The following AGMO variants were observed in gnomAD, a reference collection of about 807,000 sequenced individuals.
AGMO encodes the protein glyceryl-ether monooxygenase.
In AGMO, 75 loss-of-function variants were observed where a neutral mutation model predicts 60.2. The observed-to-expected ratio is 1.25, with a 90% CI of 1.03 to 1.51. The LOEUF is 1.51. AGMO is among the 40% of genes most tolerant of loss of function. AGMO has a pLI of 0.00. For synonymous variants in AGMO, 261 were observed against 177.1 expected, an observed-to-expected ratio of 1.47 and a Z score of -3.76; for missense variants, 763 against 525.5, an observed-to-expected ratio of 1.45 and a Z score of -4.42.
chr7:15,201,611 T>A (rs1006355189), intron 12 of AGMO, among the ~76,000 whole-genome samples: 1 of 152,176 alleles, frequency 6.6e-6, no homozygotes, highest in African/African-American at 2.4e-5. Context: ...CAAATCTGGG[T>A]CATTTCAAGG....
In AGMO at chr7:15,418,634, G is replaced by A; in HGVS notation, c.533C>T (p.Ala178Val). Residue 178 changes from alanine to valine, a missense_variant, in exon 5 of 13, where the codon GCC becomes GTC. Physicochemically the swap from Ala to Val is moderately conservative, Grantham distance 64. Coordinates refer to ENST00000342526, the MANE Select transcript of AGMO (RefSeq NM_001004320.2). ...ATATACTGAAGGGGGTATGAAGAGG[G>A]CCAGGGGAGAGTAGAAAATCTGAAA... The part of the protein sequence containing the change: ...YTSWIFYSPL[A>V]LFIPPSVYAV... 2 of 1,563,526 alleles carry A rather than the reference G, an allele frequency of 1.3e-6. No individual in the cohort carries two copies. The highest frequency in any genetic ancestry group is 1.2e-5 in the South Asian group (1 of 82,968).
intron 12 of AGMO, among the ~76,000 whole-genome samples, chr7:15,286,282 G>C (rs1350826744): frequency 6.6e-6 from 1 of 151,970 alleles, no homozygotes; most frequent in Non-Finnish European, 1.5e-5. Flanking sequence ...AGAGTAAACA[G>C]ACAACCACAG....
At chr7:15,337,561 T>G (rs1050307544) in intron 12 of AGMO, among the ~76,000 whole-genome samples, 1 of 152,138 alleles carries the variant, frequency 6.6e-6, no homozygotes, top group Non-Finnish European at 1.5e-5. Context: ...GAAAACTGAT[T>G]AAATCTACCA....
intron 10 of AGMO, among the ~76,000 whole-genome samples, chr7:15,382,662 T>G (rs1282773792): frequency 1.3e-5 from 2 of 152,200 alleles, no homozygotes; most frequent in East Asian, 3.8e-4. Flanking sequence ...CCAAAGGAAT[T>G]AGAGAAGCCC....
chr7:15,409,137 G>C (rs1383049755), intron 5 of AGMO, among the ~76,000 whole-genome samples: 1 of 151,044 alleles, frequency 6.6e-6, no homozygotes, highest in Non-Finnish European at 1.5e-5. Context: ...ACTTTATTCA[G>C]TAAGCAATAG....
chr7:15,176,264 TTCC>T, the AGMO span, among the ~76,000 whole-genome samples: 1 of 151,946 alleles, frequency 6.6e-6, no homozygotes, highest in Non-Finnish European at 1.5e-5. Context: ...TTGTTCCTCT[TTCC>T]TCCTCTGCAT....
At chr7:15,396,620 GC>G (rs777637729) in intron 5 of AGMO, 7 of 144,386 alleles carry the variant, frequency 4.8e-5, no homozygotes, top group Admixed American at 4.3e-4. Context: ...ATCCGGCCCC[GC>G]CCCCTCCCCC....
intron 12 of AGMO, among the ~76,000 whole-genome samples, chr7:15,339,446 ATATAAT>A (rs1781763620): frequency 2.0e-5 from 3 of 152,220 alleles, no homozygotes; most frequent in Admixed American, 6.5e-5. Flanking sequence ...GTGATTATGC[ATATAAT>A]TATATCTAAC....
At chr7:15,299,886 C>CAAACACAA (rs774065679) in intron 12 of AGMO, among the ~76,000 whole-genome samples, 1 of 114,642 alleles carries the variant, frequency 8.7e-6, no homozygotes. Context: ...CACACACACA[C>CAAACACAA]AGTATGTTTT....
chr7:15,404,084 G>A (rs1191525301), intron 5 of AGMO, among the ~76,000 whole-genome samples: 1 of 151,816 alleles, frequency 6.6e-6, no homozygotes, highest in East Asian at 1.9e-4. Flanking sequence ...TTTATAGTTT[G>A]GAAATAAAAC....
At chr7:15,387,902 CTCTTT>C (rs1318951156) in intron 8 of AGMO, among the ~76,000 whole-genome samples, 1 of 109,472 alleles carries the variant, frequency 9.1e-6, no homozygotes. Flanking sequence ...ATGACACATT[CTCTTT>C]TTTTTTTTTT....
chr7:15,384,442 T>G (rs1401755958), intron 10 of AGMO, among the ~76,000 whole-genome samples: 2 of 152,214 alleles, frequency 1.3e-5, no homozygotes, highest in East Asian at 3.9e-4. Flanking sequence ...TCTTTCAATT[T>G]TTGCTAGCTG....
At chr7:15,345,164 T>C (rs779592314) in intron 12 of AGMO, among the ~76,000 whole-genome samples, 1 of 152,206 alleles carries the variant, frequency 6.6e-6, no homozygotes, top group Non-Finnish European at 1.5e-5. Context: ...ATTGCATCAG[T>C]AGTATGGCCT....
chr7:15,549,940 A>G (rs1784899424), intron 2 of AGMO, among the ~76,000 whole-genome samples: 1 of 150,314 alleles, frequency 6.7e-6, no homozygotes, highest in Admixed American at 6.6e-5. Context: ...AGCAAATGTA[A>G]AAGAACAGAA....
intron 3 of AGMO, among the ~76,000 whole-genome samples, chr7:15,448,571 C>G (rs935287447): frequency 2.0e-5 from 3 of 151,024 alleles, no homozygotes; most frequent in Non-Finnish European, 4.4e-5. Context: ...AAAGTTCAAA[C>G]TGACCCTAAA....
At chr7:15,366,857 G>A (rs968048485) in intron 10 of AGMO, among the ~76,000 whole-genome samples, 1 of 151,976 alleles carries the variant, frequency 6.6e-6, no homozygotes, top group East Asian at 1.9e-4. Flanking sequence ...TGAGCCAAGG[G>A]AAAGAATGAG....
the AGMO span, among the ~76,000 whole-genome samples, chr7:15,144,150 A>G: frequency 2.6e-4 from 39 of 152,334 alleles, no homozygotes; most frequent in Admixed American, 4.6e-4. Flanking sequence ...AACCTGTCAG[A>G]CCAGAAAGGC....
intron 10 of AGMO, among the ~76,000 whole-genome samples, chr7:15,376,082 T>C (rs1783439341): frequency 6.6e-6 from 1 of 152,116 alleles, no homozygotes; most frequent in Non-Finnish European, 1.5e-5. Flanking sequence ...TAGTCTATGC[T>C]TACTTGAAAG....
chr7:15,262,741 T>C (rs113976329), intron 12 of AGMO, among the ~76,000 whole-genome samples: 2,002 of 151,408 alleles, frequency 0.013, 33 homozygotes, highest in African/African-American at 0.044. Context: ...GGCACATATA[T>C]CAATGGAACA....
Sources: allele counts gnomAD v4.1 joint callset (sites outside exome capture counted in the v4.1 genomes callset), GRCh38; gene constraint gnomAD v4.1.1; transcripts MANE v1.5; gene names NCBI Gene and HGNC (gene_info 2026-07-23, HGNC 2026-07-21).